Variants in PLVAP observed in about 807,000 individuals in gnomAD.
The protein encoded by PLVAP is plasmalemma vesicle-associated protein.
A neutral mutation model predicts 43.1 loss-of-function variants in PLVAP; 34 were observed. The ratio of observed to expected loss-of-function variants is 0.79; its 90% CI spans 0.60 to 1.05. The LOEUF (loss-of-function observed/expected upper bound fraction) is 1.05. Among genes scored for constraint, PLVAP ranks in the 50% least tolerant of loss-of-function variants. The pLI is 0.00. For missense variants in PLVAP, 574 were observed against 593.4 expected, an observed-to-expected ratio of 0.97 and a Z score of 0.34; for synonymous variants, 241 against 237.3, an observed-to-expected ratio of 1.02 and a Z score of -0.14.
chr19:17,360,910 TTTTC>T lies in PLVAP; in HGVS notation c.1180-82_1180-79del. ...GCTTCTGCCTTTTCTTTTCTTTTCT[TTTTC>T]TTTTTTTTTTTTTTTTTGAGACGGA... On this transcript the variant is annotated intron_variant, in intron 3 of 5. Coordinates refer to ENST00000252590, the MANE Select transcript of PLVAP (RefSeq NM_031310.3). The T allele has an allele frequency of 3.9e-6, 5 of 1,287,892 alleles. No homozygotes were observed. In the East Asian group the frequency reaches 7.3e-5, roughly 19 times the overall value. The allele number at this position is 1,287,892 out of a possible 1,614,324, so 79.8% of individuals were successfully genotyped here.
intron 5 of PLVAP, among the ~76,000 whole-genome samples, chr19:17,357,928 C>T (rs1446715450): frequency 2.0e-5 from 3 of 152,176 alleles, no homozygotes; most frequent in East Asian, 3.9e-4. Flanking sequence ...GGTTCTCAGC[C>T]GAGGCCCTGA....
chr19:17,364,922 G>A (rs917686738), intron 3 of PLVAP, among the ~76,000 whole-genome samples: 9 of 151,670 alleles, frequency 5.9e-5, no homozygotes, highest in Non-Finnish European at 7.4e-5. Flanking sequence ...ACAGGTGCCC[G>A]CCACCACGCC....
chr19:17,377,073 A>G lies in PLVAP; in HGVS notation c.216T>C (p.Ser72=). ...ATERRAEGLY[S]QLLGLTASQS... The stretch of plus-strand genomic sequence containing the variant: ...GGGAGGCCGTGAGCCCTAGGAGCTG[A>G]CTGTATAGGCCCTCGGCTCGGCGCT... The change falls in exon 1 of 6, where the codon AGT becomes AGC. Residue 72 remains serine, a synonymous_variant. Transcript: ENST00000252590. 14 of 1,614,016 alleles carry G rather than the reference A, an allele frequency of 8.7e-6. No individual in the cohort carries two copies. Among genetic ancestry groups the G allele is most frequent in the Non-Finnish European group, 1.2e-5 (14 of 1,180,012 alleles).
At chr19:17,360,645 T>G in intron 4 of PLVAP, 36 bp from the exon 5 acceptor site, 1 of 1,594,766 alleles carries the variant, frequency 6.3e-7, no homozygotes, top group Non-Finnish European at 8.6e-7. Context: ...GACCTACAGC[T>G]TCAGTTGCCC....
intron 5 of PLVAP, among the ~76,000 whole-genome samples, chr19:17,354,373 G>C (rs1270305447): frequency 6.6e-6 from 1 of 152,060 alleles, no homozygotes; most frequent in African/African-American, 2.4e-5. Flanking sequence ...GAGGTGGGCG[G>C]ATCACCTGAG....
chr19:17,355,241 AAT>A (rs1215943526), intron 5 of PLVAP, among the ~76,000 whole-genome samples: 6 of 143,968 alleles, frequency 4.2e-5, no homozygotes, highest in African/African-American at 1.5e-4. Flanking sequence ...TAATAATAAT[AAT>A]AATAATAATA....
chr19:17,369,239 G>A (rs1475605731), intron 1 of PLVAP, among the ~76,000 whole-genome samples: 1 of 151,168 alleles, frequency 6.6e-6, no homozygotes, highest in African/African-American at 2.4e-5. Flanking sequence ...AGCCTGGAGT[G>A]CAGTGGCACG....
rs548671551 is a variant in PLVAP, at chr19:17,360,420, A to G, written c.1322+108T>C. The G allele has an allele frequency of 1.3e-5, 16 of 1,209,488 alleles. No homozygotes were observed. The African/African-American group carries it at 2.2e-4, about 17-fold the overall frequency. 74.9% of individuals were successfully genotyped at this position (1,209,488 alleles called of 1,614,324 possible). A position where few individuals can be genotyped will look rare whatever the true frequency, so the allele number is the denominator to read the frequency against. On this transcript the variant is annotated intron_variant, in intron 5 of 5. Coordinates refer to ENST00000252590, the MANE Select transcript of PLVAP (RefSeq NM_031310.3). Reference sequence around the variant, plus strand: ...TGACCTAGTATACAGCAGGTGCTCAATTAAGGAAGAAGCAAGTGTGAGATC... The same window carrying G: ...TGACCTAGTATACAGCAGGTGCTCAGTTAAGGAAGAAGCAAGTGTGAGATC...
intron 3 of PLVAP, among the ~76,000 whole-genome samples, chr19:17,364,084 T>TTTTG (rs763624255): frequency 1.3e-5 from 2 of 148,880 alleles, no homozygotes; most frequent in African/African-American, 2.5e-5. Flanking sequence ...GGGTTTTGTG[T>TTTTG]TTTGTTTGTT....
Position 17,365,906 on chromosome 19 carries a change from G to GC in PLVAP, c.558dup (p.Leu187AlafsTer13). The GC allele has an allele frequency of 6.2e-7, 1 of 1,614,034 alleles. No homozygotes were observed. Among genetic ancestry groups the GC allele is most frequent in the Non-Finnish European group, 8.5e-7 (1 of 1,180,032 alleles). Reference sequence around the variant, plus strand: ...TCCTCCGCCACGCGTTTGTTCAGCAGCACGCTTTCCTTATCCTTAGTGCAA... The same window carrying GC: ...TCCTCCGCCACGCGTTTGTTCAGCAGCCACGCTTTCCTTATCCTTAGTGCAA... On this transcript the variant is annotated frameshift_variant, in exon 3 of 6. Coordinates refer to ENST00000252590, the MANE Select transcript of PLVAP (RefSeq NM_031310.3). LOFTEE classifies it high-confidence loss of function.
chr19:17,360,593 C>T lies in PLVAP; in HGVS notation c.1257G>A (p.Glu419=). The change falls in exon 5 of 6, where the codon GAG becomes GAA. Residue 419 remains glutamate (E), a synonymous_variant. Transcript: ENST00000252590. ...ACTCCAGGATCTTCCTCTTGAACTCCTCCAGGCTAGCTGGGTCTGTGGAGG... is the reference window on the plus strand; with the variant it reads ...ACTCCAGGATCTTCCTCTTGAACTCTTCCAGGCTAGCTGGGTCTGTGGAGG... ...NPQPIDPASL[E]EFKRKILESQ... 1.2e-6 allele frequency: 2 copies of T among 1,613,290 alleles called. No individual in the cohort carries two copies. The highest frequency in any genetic ancestry group is 1.7e-6 in the Non-Finnish European group (2 of 1,179,608).
At chr19:17,370,746 CTG>C (rs953038684) in intron 1 of PLVAP, among the ~76,000 whole-genome samples, 69 of 152,112 alleles carry the variant, frequency 4.5e-4, no homozygotes, top group African/African-American at 1.6e-3. Flanking sequence ...ATGTACAACT[CTG>C]TGAATTTACA....
At chr19:17,360,483 C>T in intron 5 of PLVAP, 45 bp downstream of exon 5, 1 of 1,584,146 alleles carries the variant, frequency 6.3e-7, no homozygotes. Context: ...CTAGCTTTGC[C>T]CACAGTTCTA....
chr19:17,365,154 A>C, intron 3 of PLVAP, 132 bp downstream of exon 3: 2 of 731,962 alleles, frequency 2.7e-6, no homozygotes, highest in Non-Finnish European at 4.4e-6. Flanking sequence ...GCCTGATCCT[A>C]GAGAGTTGTA....
chr19:17,360,770 A>AC lies in PLVAP; in HGVS notation c.1240+1dup. The AC allele has an allele frequency of 6.2e-7, 1 of 1,612,798 alleles. No individual in the cohort carries two copies. Among genetic ancestry groups the AC allele is most frequent in the Non-Finnish European group, 8.5e-7 (1 of 1,179,066 alleles). ...TACTTGGCTCTGTCTTTTGTCACTC[A>AC]CCGATGGGCTGGGGGTTGGGGACAG... On this transcript the variant is annotated splice_donor_variant, in intron 4 of 5. Coordinates refer to ENST00000252590, the MANE Select transcript of PLVAP (RefSeq NM_031310.3). LOFTEE classifies it high-confidence loss of function.
chr19:17,370,998 A>G (rs1321117743), intron 1 of PLVAP, among the ~76,000 whole-genome samples: 2 of 151,112 alleles, frequency 1.3e-5, no homozygotes, highest in Admixed American at 6.6e-5. Flanking sequence ...AGAGCTTGCA[A>G]TGAGCTGAGA....
intron 1 of PLVAP, among the ~76,000 whole-genome samples, chr19:17,372,393 A>C (rs946071017): frequency 1.3e-5 from 2 of 150,408 alleles, no homozygotes; most frequent in African/African-American, 4.8e-5. Context: ...TGGGCGACAG[A>C]GTGAAACTCT....
At chr19:17,360,716 G>C (rs2074524572) in intron 4 of PLVAP, 56 bp downstream of exon 4, 1 of 1,583,724 alleles carries the variant, frequency 6.3e-7, no homozygotes, top group African/African-American at 1.3e-5. Context: ...GGCTGGGGTG[G>C]GGTTCGAGGT....
chr19:17,367,388 A>AT (rs560649111), intron 1 of PLVAP, among the ~76,000 whole-genome samples: 10 of 112,820 alleles, frequency 8.9e-5, no homozygotes, highest in African/African-American at 2.6e-4. Flanking sequence ...CTGATTTTTA[A>AT]ATTTTTTTTT....
Sources: allele counts gnomAD v4.1 joint callset (sites outside exome capture counted in the v4.1 genomes callset), GRCh38; gene constraint gnomAD v4.1.1; transcripts MANE v1.5; gene names NCBI Gene and HGNC (gene_info 2026-07-23, HGNC 2026-07-21).